Variants in CES3 observed in about 807,000 individuals in gnomAD.
The protein encoded by CES3 is carboxylesterase 3 (brain).
In CES3, 49 loss-of-function variants were observed where a neutral mutation model predicts 57.6. That is an observed-to-expected ratio of 0.85 (90% CI 0.68 to 1.08). The LOEUF is 1.08. Among genes scored for constraint, CES3 ranks in the 50% least tolerant of loss-of-function variants. CES3 has a pLI of 0.00. For synonymous variants in CES3, 266 were observed against 281.6 expected, an observed-to-expected ratio of 0.94 and a Z score of 0.55; for missense variants, 645 against 742.0, an observed-to-expected ratio of 0.87 and a Z score of 1.52.
At position 66,963,402 on chromosome 16, in the gene CES3, G is replaced by A; in HGVS notation, c.287+19G>A. Reference sequence around the variant, plus strand: ...CCCCAATGTGAGTAGTGCTGGTGGAGGCGGGCAAACAGGCAGGTTGCAGGA... The same window carrying A: ...CCCCAATGTGAGTAGTGCTGGTGGAAGCGGGCAAACAGGCAGGTTGCAGGA... On this transcript the variant is annotated intron_variant, in intron 2 of 12. Coordinates refer to ENST00000303334, the MANE Select transcript of CES3 (RefSeq NM_024922.6). The surrounding 1 kb of genome is among the most constrained non-coding windows in gnomAD (Gnocchi z 4.9). The A allele has an allele frequency of 6.2e-7, 1 of 1,611,792 alleles. No homozygotes were observed. Among genetic ancestry groups the A allele is most frequent in the Non-Finnish European group, 8.5e-7 (1 of 1,178,790 alleles).
At chr16:66,961,440 G>C (rs780506281) in intron 1 of CES3, 51 bp downstream of exon 1, 42 of 1,468,568 alleles carry the variant, frequency 2.9e-5, no homozygotes, top group African/African-American at 4.2e-5. Flanking sequence ...GAGGAGTCAA[G>C]AGTGAGACAG....
In CES3 at chr16:66,964,662, A is replaced by G; in HGVS notation, c.754A>G (p.Ile252Val). ...GGCTGCAGGGCTGTTCCACAGAGCC[A>G]TCACACAGAGTGGGGTCATCACCAC... ...PVAAGLFHRAITQSGVITTPG... is the reference protein window; with the variant it reads ...PVAAGLFHRAVTQSGVITTPG... Residue 252 changes from isoleucine to valine, a missense_variant, in exon 6 of 13, where the codon ATC (isoleucine) becomes GTC (valine). Transcript: ENST00000303334. 1.2e-6 allele frequency: 2 copies of G among 1,614,066 alleles called. No individual in the cohort carries two copies. The highest frequency in any genetic ancestry group is 8.5e-7 in the Non-Finnish European group (1 of 1,179,984).
rs1313824365 is a variant in CES3, at chr16:66,963,253, A to T, written c.157A>T (p.Thr53Ser). Reference protein sequence around the residue: ...VRGRQVGVKGTDRLVNVFLGI... With the variant: ...VRGRQVGVKGSDRLVNVFLGI... ...AGGCCGGCAGGTGGGCGTGAAGGGC[A>T]CAGACCGCCTTGTGAATGTCTTTCT... Residue 53 changes from threonine to serine, a missense_variant, in exon 2 of 13, where the codon ACA (threonine) becomes TCA (serine). Transcript: ENST00000303334. This position sits in a 1 kb window ranked among gnomAD's most constrained non-coding sequence, Gnocchi z 4.9. The T allele has an allele frequency of 1.2e-6, 2 of 1,614,116 alleles. No individual in the cohort carries two copies. The highest frequency in any genetic ancestry group is 8.5e-7 in the Non-Finnish European group (1 of 1,180,024).
intron 10 of CES3, among the ~76,000 whole-genome samples, chr16:66,971,563 G>A (rs1485576141): frequency 6.6e-6 from 1 of 152,140 alleles, no homozygotes; most frequent in Non-Finnish European, 1.5e-5. Flanking sequence ...CTCACCAAAG[G>A]TCACCCAGCA....
At position 66,963,221 on chromosome 16, in the gene CES3, G is replaced by A. The variant is rs774197491; in HGVS notation, c.125G>A (p.Arg42His). 1.3e-5 allele frequency: 21 copies of A among 1,614,126 alleles called. No individual in the cohort carries two copies. In the South Asian group the frequency reaches 1.3e-4, roughly 10 times the overall value. ...CCTGAAGTAGACACCACCCTGGGTCGTGTGCGAGGCCGGCAGGTGGGCGTG... is the reference window on the plus strand; with the variant it reads ...CCTGAAGTAGACACCACCCTGGGTCATGTGCGAGGCCGGCAGGTGGGCGTG... ...AQPEVDTTLG[R>H]VRGRQVGVKG... Residue 42 changes from arginine to histidine, a missense_variant, in exon 2 of 13, where the codon CGT becomes CAT. By Grantham distance (29) the Arg-to-His change is conservative. Transcript: ENST00000303334. The surrounding 1 kb of genome is among the most constrained non-coding windows in gnomAD (Gnocchi z 4.9).
At chr16:66,969,181 G>A (rs569428628) in intron 8 of CES3, among the ~76,000 whole-genome samples, 1 of 152,172 alleles carries the variant, frequency 6.6e-6, no homozygotes, top group African/African-American at 2.4e-5. Flanking sequence ...CAAGGCAGGC[G>A]GATCACTCAA....
In CES3 at chr16:66,963,377, C is replaced by G. The variant is rs548545175; in HGVS notation, c.281C>G (p.Pro94Arg). ...WEGVRDASTA[P>R]PMCLQDVESM... ...GGTGTGCGGGATGCCAGCACTGCGC[C>G]CCCAATGTGAGTAGTGCTGGTGGAG... is the stretch of plus-strand genomic sequence containing the variant. Residue 94 changes from proline to arginine, a missense_variant, in exon 2 of 13, where the codon CCC becomes CGC. Pro to Arg is a moderately radical substitution (Grantham distance 103, BLOSUM62 -2). Transcript: ENST00000303334. The surrounding 1 kb of genome is among the most constrained non-coding windows in gnomAD (Gnocchi z 4.9). The G allele has an allele frequency of 2.5e-6, 4 of 1,612,956 alleles. No individual in the cohort carries two copies. In the South Asian group the frequency reaches 4.4e-5, roughly 18 times the overall value.
In CES3 at chr16:66,972,394, C is replaced by T. The variant is rs1390777243; in HGVS notation, c.1330C>T (p.Arg444Ter). 16 of 1,611,860 alleles carry T rather than the reference C, an allele frequency of 9.9e-6. No individual in the cohort carries two copies. Among genetic ancestry groups the T allele is most frequent in the African/African-American group, 4.0e-5 (3 of 74,822 alleles). The stretch of plus-strand genomic sequence containing the variant: ...TGTCTTTTTCTATGAGTTCCAGCAT[C>T]GACCCAGTTCTTTTGCGAAGATCAA... ...SPVFFYEFQHRPSSFAKIKPA... is the reference protein window; with the variant it reads ...SPVFFYEFQH Residue 444 changes from arginine to a stop codon, truncating the protein, a stop_gained, in exon 11 of 13, where the codon CGA becomes TGA. Transcript: ENST00000303334. LOFTEE classifies it high-confidence loss of function.
intron 9 of CES3, among the ~76,000 whole-genome samples, chr16:66,970,823 T>C (rs901031342): frequency 6.6e-6 from 1 of 152,194 alleles, no homozygotes; most frequent in Non-Finnish European, 1.5e-5. Flanking sequence ...GGGGAGCCCC[T>C]ATCATTTCTG....
chr16:66,963,488 C>T lies in CES3; in HGVS notation c.288-3C>T. 2 of 1,611,082 alleles carry T rather than the reference C, an allele frequency of 1.2e-6. No individual in the cohort carries two copies. Among genetic ancestry groups the T allele is most frequent in the Non-Finnish European group, 1.7e-6 (2 of 1,177,488 alleles). On this transcript the variant is annotated splice_region_variant and splice_polypyrimidine_tract_variant and intron_variant, in intron 2 of 12. Coordinates refer to ENST00000303334, the MANE Select transcript of CES3 (RefSeq NM_024922.6). The surrounding 1 kb of genome is among the most constrained non-coding windows in gnomAD (Gnocchi z 4.9). Reference sequence around the variant, plus strand: ...TGGACCTCAGGCCCACCCTTGGCCACAGGTGCCTACAAGACGTGGAGAGCA... The same window carrying T: ...TGGACCTCAGGCCCACCCTTGGCCATAGGTGCCTACAAGACGTGGAGAGCA...
In CES3 at chr16:66,964,463, G is replaced by A. The variant is rs772792504; in HGVS notation, c.667G>A (p.Val223Ile). 1 of 1,614,148 alleles carries A rather than the reference G, an allele frequency of 6.2e-7. No individual in the cohort carries two copies. Residue 223 changes from valine to isoleucine, a missense_variant, in exon 5 of 13, where the codon GTC becomes ATC. Physicochemically the swap from Val to Ile is conservative, Grantham distance 29. Transcript: ENST00000303334. Reference protein sequence around the residue: ...IAPFGGDLNCVTVFGGSAGGS... With the variant: ...IAPFGGDLNCITVFGGSAGGS... ...CCCCTTCGGGGGTGACCTCAACTGT[G>A]TCACTGTCTTTGGTGGATCTGCCGG...
rs1307211935 is a variant in CES3, at chr16:66,974,488, C to T, written c.*1439C>T. On this transcript the variant is annotated 3_prime_UTR_variant, in exon 13 of 13. Coordinates refer to ENST00000303334, the MANE Select transcript of CES3 (RefSeq NM_024922.6). The stretch of plus-strand genomic sequence containing the variant: ...GCGGGGCAGGGCTCGGGACCTGCAG[C>T]CCTCCATGCCTGACCCTCCCCCCAC... The T allele has an allele frequency of 6.5e-6, 1 of 153,092 alleles. No homozygotes were observed. The highest frequency in any genetic ancestry group is 2.0e-4 in the South Asian group (1 of 4,932). The allele number at this position is 153,092 out of a possible 1,614,324, so 9.5% of individuals were successfully genotyped here.
At chr16:66,966,916 C>T in intron 8 of CES3, 51 bp downstream of exon 8, 1 of 1,602,542 alleles carries the variant, frequency 6.2e-7, no homozygotes. Context: ...CAGCCAGTAC[C>T]TGCCACCCCA....
At position 66,974,832 on chromosome 16, in the gene CES3, A is replaced by G. The variant is rs568937001; in HGVS notation, c.*1783A>G. The stretch of plus-strand genomic sequence containing the variant: ...CTAGCTCAGTGTTTGTGAATGCACC[A>G]ATCCACACTCTGTATCTGGCTACTC... On this transcript the variant is annotated 3_prime_UTR_variant, in exon 13 of 13. Coordinates refer to ENST00000303334, the MANE Select transcript of CES3 (RefSeq NM_024922.6). The G allele has an allele frequency of 1.3e-5, 2 of 152,484 alleles. No homozygotes were observed. Among genetic ancestry groups the G allele is most frequent in the South Asian group, 2.1e-4 (1 of 4,820 alleles). 9.4% of individuals were successfully genotyped at this position (152,484 alleles called of 1,614,324 possible). A position where few individuals can be genotyped will look rare whatever the true frequency, so the allele number is the denominator to read the frequency against.
Position 66,961,345 on chromosome 16 carries a change from T to G in CES3, c.38T>G (p.Val13Gly). ...RAVRVESGVL[V>G]GVVCLLLACP... The stretch of plus-strand genomic sequence containing the variant: ...GTGAGAGTGGAGTCCGGGGTCCTGG[T>G]CGGGGTGGTCTGTCTGCTCCTGGCA... Residue 13 changes from valine to glycine, a missense_variant, in exon 1 of 13, where the codon GTC becomes GGC. Transcript: ENST00000303334. The G allele has an allele frequency of 6.2e-7, 1 of 1,613,696 alleles. No homozygotes were observed. Among genetic ancestry groups the G allele is most frequent in the Non-Finnish European group, 8.5e-7 (1 of 1,179,888 alleles).
chr16:66,961,936 C>G (rs745860180), intron 1 of CES3, among the ~76,000 whole-genome samples: 7 of 152,076 alleles, frequency 4.6e-5, no homozygotes, highest in Non-Finnish European at 2.9e-5. Flanking sequence ...ATGCAAATGA[C>G]TATCATGAGG....
In CES3 at chr16:66,964,348, T is replaced by C. The variant is rs1963698861; in HGVS notation, c.561-9T>C. ...GCTGAACTAACCGTTGCCCCAACAC[T>C]GCCCCCAGCACTGGAGATGAGCATG... On this transcript the variant is annotated splice_polypyrimidine_tract_variant and intron_variant, in intron 4 of 12. Coordinates refer to ENST00000303334, the MANE Select transcript of CES3 (RefSeq NM_024922.6). 1 of 1,613,006 alleles carries C rather than the reference T, an allele frequency of 6.2e-7. No homozygotes were observed. Among genetic ancestry groups the C allele is most frequent in the Middle Eastern group, 1.7e-4 (1 of 6,010 alleles).
intron 1 of CES3, among the ~76,000 whole-genome samples, 176 bp downstream of exon 1, chr16:66,961,565 TTTG>T (rs747238828): frequency 2.0e-5 from 3 of 152,086 alleles, no homozygotes; most frequent in South Asian, 2.1e-4. Context: ...TTTCGTTGTT[TTTG>T]TTGTTGTTGT....
At chr16:66,968,905 C>T (rs543983598) in intron 8 of CES3, among the ~76,000 whole-genome samples, 10 of 152,142 alleles carry the variant, frequency 6.6e-5, no homozygotes, top group Non-Finnish European at 1.5e-4. Context: ...CAGAGTGAGA[C>T]ACTGTCTCAC....
Sources: allele counts gnomAD v4.1 joint callset (sites outside exome capture counted in the v4.1 genomes callset), GRCh38; gene constraint gnomAD v4.1.1; non-coding constraint Gnocchi (gnomAD v3.1); transcripts MANE v1.5; gene names NCBI Gene and HGNC (gene_info 2026-07-23, HGNC 2026-07-21).